Variants in MDFIC2 observed in about 807,000 individuals in gnomAD.
MDFIC2 encodes myoD family inhibitor domain-containing protein 2.
intron 2 of MDFIC2, among the ~76,000 whole-genome samples, chr3:70,235,050 C>T (rs1026726510): frequency 2.0e-5 from 3 of 152,140 alleles, no homozygotes; most frequent in Admixed American, 6.5e-5. Flanking sequence ...TTTATCAGTA[C>T]GGTTTCCTAT....
intron 2 of MDFIC2, among the ~76,000 whole-genome samples, chr3:70,219,747 T>G (rs1184535132): frequency 3.3e-5 from 5 of 151,966 alleles, no homozygotes; most frequent in Non-Finnish European, 7.4e-5. Context: ...AACACAGAGA[T>G]TAAGAGCAAT....
intron 2 of MDFIC2, among the ~76,000 whole-genome samples, chr3:70,213,089 A>C (rs1358345498): frequency 6.6e-6 from 1 of 152,060 alleles, no homozygotes; most frequent in African/African-American, 2.4e-5. Context: ...GATTACAGGC[A>C]TGAGCCACCA....
intron 2 of MDFIC2, among the ~76,000 whole-genome samples, chr3:70,308,944 G>A (rs1702430295): frequency 6.6e-6 from 1 of 152,164 alleles, no homozygotes; most frequent in South Asian, 2.1e-4. Context: ...CATTTTAACA[G>A]TGAGCAGTGT....
At chr3:70,234,396 C>T (rs1701588879) in intron 2 of MDFIC2, among the ~76,000 whole-genome samples, 1 of 152,114 alleles carries the variant, frequency 6.6e-6, no homozygotes, top group Non-Finnish European at 1.5e-5. Context: ...TGCCTGTAAT[C>T]CTAGCACTTT....
intron 2 of MDFIC2, among the ~76,000 whole-genome samples, chr3:70,299,652 A>T (rs555198427): frequency 6.6e-6 from 1 of 152,076 alleles, no homozygotes; most frequent in Non-Finnish European, 1.5e-5. Context: ...TTCGGAATTC[A>T]TGCCTTCTCA....
intron 2 of MDFIC2, among the ~76,000 whole-genome samples, chr3:70,237,977 ATCTTTTTTT>A (rs901486664): frequency 7.7e-5 from 1 of 13,008 alleles, no homozygotes; most frequent in African/African-American, 4.9e-4. Flanking sequence ...ATTGAGTGGT[ATCTTTTTTT>A]TTTTTTTTTT....
chr3:70,307,402 T>G (rs1702412738), intron 2 of MDFIC2, among the ~76,000 whole-genome samples: 1 of 152,154 alleles, frequency 6.6e-6, no homozygotes, highest in Admixed American at 6.6e-5. Context: ...TTGATGTTTC[T>G]CTTCCGTATC....
At chr3:70,246,577 T>C (rs1038921274) in intron 2 of MDFIC2, among the ~76,000 whole-genome samples, 1 of 152,092 alleles carries the variant, frequency 6.6e-6, no homozygotes, top group East Asian at 1.9e-4. Flanking sequence ...CAGTTGTTAG[T>C]ATAAGGATGT....
chr3:70,272,858 T>TA (rs1559550781), intron 2 of MDFIC2, among the ~76,000 whole-genome samples: 1 of 151,888 alleles, frequency 6.6e-6, no homozygotes, highest in Admixed American at 6.6e-5. Context: ...GGAAGGGAAA[T>TA]AAAAAAGAGA....
At chr3:70,246,660 T>C (rs1047425458) in intron 2 of MDFIC2, among the ~76,000 whole-genome samples, 3 of 152,092 alleles carry the variant, frequency 2.0e-5, no homozygotes, top group Non-Finnish European at 2.9e-5. Context: ...CCTACATTTA[T>C]ATAGCAATAC....
intron 2 of MDFIC2, among the ~76,000 whole-genome samples, chr3:70,262,695 C>A (rs1044353612): frequency 6.6e-6 from 1 of 152,146 alleles, no homozygotes; most frequent in South Asian, 2.1e-4. Context: ...ATGCACCATG[C>A]TTGCCTTGCT....
intron 2 of MDFIC2, among the ~76,000 whole-genome samples, chr3:70,250,406 G>T (rs1441905993): frequency 8.0e-6 from 1 of 125,092 alleles, no homozygotes; most frequent in East Asian, 3.0e-4. Flanking sequence ...TTCTTTTAAT[G>T]AATCTCACAC....
At chr3:70,224,176 T>C (rs1489921900) in intron 2 of MDFIC2, among the ~76,000 whole-genome samples, 2 of 152,164 alleles carry the variant, frequency 1.3e-5, no homozygotes, top group African/African-American at 4.8e-5. Context: ...TCGTAGACTT[T>C]GGTAAATAGC....
chr3:70,294,844 A>T (rs1241710995), intron 2 of MDFIC2, among the ~76,000 whole-genome samples: 3 of 152,158 alleles, frequency 2.0e-5, no homozygotes, highest in Admixed American at 2.0e-4. Flanking sequence ...AGCATCACGT[A>T]GCAATTTGAT....
chr3:70,200,314 T>C (rs923961096), intron 3 of MDFIC2, among the ~76,000 whole-genome samples: 3 of 152,200 alleles, frequency 2.0e-5, no homozygotes, highest in Non-Finnish European at 4.4e-5. Context: ...TAGAGAAAAG[T>C]GCCAAATCCT....
chr3:70,310,435 G>A (rs769538524), intron 2 of MDFIC2, among the ~76,000 whole-genome samples: 12 of 151,042 alleles, frequency 7.9e-5, no homozygotes, highest in Admixed American at 6.6e-4. Flanking sequence ...GTGTGATCTC[G>A]GCTCACTGCA....
rs531101450 is a variant in MDFIC2 at position 70,290,353 on chromosome 3, C to T, written c.88+21533G>A. On this transcript the variant is annotated intron_variant, in intron 2 of 3. Coordinates refer to ENST00000567252, the MANE Select transcript of MDFIC2 (RefSeq NM_001364677.1). ...GTCAGTGTGCCCCTGTTGGGGGGTG[C>T]CTCCCAGTTAGGCTGCTCGGGGGCC... Among the ~76,000 whole-genome samples, 11 of 152,280 alleles carry T rather than the reference C, an allele frequency of 7.2e-5. No individual in the cohort carries two copies. In the East Asian group the frequency reaches 2.1e-3, roughly 29 times the overall value.
chr3:70,280,059 T>A (rs1195937705), intron 2 of MDFIC2, among the ~76,000 whole-genome samples: 1 of 152,190 alleles, frequency 6.6e-6, no homozygotes, highest in East Asian at 1.9e-4. Context: ...AAAATCAAGG[T>A]GTCAGCAAGG....
intron 2 of MDFIC2, among the ~76,000 whole-genome samples, chr3:70,240,086 A>G (rs1278359854): frequency 1.3e-5 from 2 of 152,120 alleles, no homozygotes; most frequent in African/African-American, 4.8e-5. Flanking sequence ...TTTACACAGG[A>G]CATTTCTTTA....
Sources: gnomAD v4.1 joint callset for allele counts (sites outside exome capture counted in the v4.1 genomes callset) on GRCh38, gnomAD v4.1.1 for gene constraint, MANE v1.5 for transcripts, NCBI Gene and HGNC (gene_info 2026-07-23, HGNC 2026-07-21) for gene names.